The following ACOXL variants were observed in gnomAD, a reference collection of about 807,000 sequenced individuals.
ACOXL encodes acyl-CoA oxidase like.
ACOXL carries 70 observed loss-of-function variants against 71.9 expected under a neutral mutation model. That is an observed-to-expected ratio of 0.97 (90% CI 0.80 to 1.19). The LOEUF (loss-of-function observed/expected upper bound fraction) is 1.19. Ranked by LOEUF, ACOXL falls within the 50% of genes most tolerant of loss-of-function variation. The pLI, the probability that ACOXL is intolerant of heterozygous loss-of-function variation, is 0.00. For synonymous variants in ACOXL, 253 were observed against 281.6 expected (o/e 0.90, Z 1.02); for missense variants, 703 against 736.3 (o/e 0.95, Z 0.52).
intron 17 of ACOXL, among the ~76,000 whole-genome samples, chr2:111,104,584 G>T (rs1363346748): frequency 6.6e-6 from 1 of 152,104 alleles, no homozygotes; most frequent in African/African-American, 2.4e-5. Context: ...TTACTTAATG[G>T]CTAATGATGT....
chr2:110,839,318 T>C (rs1004824210), intron 9 of ACOXL, among the ~76,000 whole-genome samples: 6 of 152,244 alleles, frequency 3.9e-5, no homozygotes, highest in African/African-American at 1.4e-4. Context: ...CCAGGAAATG[T>C]AAAGTTATCC....
At chr2:110,788,261 G>C (rs116659381) in intron 3 of ACOXL, among the ~76,000 whole-genome samples, 99 of 152,294 alleles carry the variant, frequency 6.5e-4, no homozygotes, top group African/African-American at 2.2e-3. Context: ...AGAGGAGTGG[G>C]TAAACAAAAT....
At chr2:110,915,350 A>ATATATATGTG in intron 11 of ACOXL, among the ~76,000 whole-genome samples, 1 of 113,634 alleles carries the variant, frequency 8.8e-6, no homozygotes, top group South Asian at 2.8e-4. Flanking sequence ...ATATATATAT[A>ATATATATGTG]TGTGTGTGTG....
Position 110,847,755 on chromosome 2 carries a change from C to T in ACOXL, c.788+6350C>T, listed in dbSNP as rs560464092. 7.2e-5 allele frequency among the ~76,000 whole-genome samples: 11 copies of T among 152,272 alleles called. No individual in the cohort carries two copies. The South Asian group carries it at 1.0e-3, about 14-fold the overall frequency. On this transcript the variant is annotated intron_variant, in intron 10 of 17. Transcript: ENST00000439055. ...GCCCTGGCACCCCTCGAGGGCTGGACGGGGAAAGAGAGAGTTGGGGAACCT... is the reference window on the plus strand; with the variant it reads ...GCCCTGGCACCCCTCGAGGGCTGGATGGGGAAAGAGAGAGTTGGGGAACCT...
At chr2:111,045,553 C>G (rs2065974203) in intron 15 of ACOXL, among the ~76,000 whole-genome samples, 2 of 152,206 alleles carry the variant, frequency 1.3e-5, no homozygotes, top group African/African-American at 4.8e-5. Flanking sequence ...TGAGGCCTCC[C>G]CAACCCTGCA....
rs548001377 is a variant in ACOXL, at chr2:111,003,550, C to CAAAAAAAAAAA, written c.1281+7565_1281+7575dup. Among the ~76,000 whole-genome samples, 159 of 35,328 alleles carry CAAAAAAAAAAA rather than the reference C, an allele frequency of 4.5e-3. 18 individuals carry two copies. Among genetic ancestry groups the CAAAAAAAAAAA allele is most frequent in the African/African-American group, 0.012 (120 of 10,268 alleles). The allele number at this position is 35,328 out of a possible 152,430, so 23.2% of individuals were successfully genotyped here. A position where few individuals can be genotyped will look rare whatever the true frequency, so the allele number is the denominator to read the frequency against. On this transcript the variant is annotated intron_variant, in intron 14 of 17. Transcript: ENST00000439055. ...TGGGCGACAGGGCGAGACTCTGTCT[C>CAAAAAAAAAAA]AAAAAAAAAAAAAAAAAAAAAAAAA...
chr2:110,871,171 T>G (rs1265268265), intron 10 of ACOXL, among the ~76,000 whole-genome samples: 1 of 152,152 alleles, frequency 6.6e-6, no homozygotes, highest in Non-Finnish European at 1.5e-5. Flanking sequence ...ATTCCTGGAA[T>G]GCAAAACATG....
intron 17 of ACOXL, among the ~76,000 whole-genome samples, chr2:111,105,449 C>G (rs10048841): frequency 0.011 from 1,650 of 151,792 alleles, 36 homozygotes; most frequent in African/African-American, 0.037. Context: ...GCTGAATCTT[C>G]CAGTCTCTGA....
At chr2:110,852,699 C>A (rs749963132) in intron 10 of ACOXL, among the ~76,000 whole-genome samples, 1 of 152,156 alleles carries the variant, frequency 6.6e-6, no homozygotes, top group Non-Finnish European at 1.5e-5. Context: ...AAACCCTGTT[C>A]GCTGTGGCCA....
intron 12 of ACOXL, among the ~76,000 whole-genome samples, chr2:110,944,608 G>C: frequency 6.6e-6 from 1 of 152,062 alleles, no homozygotes; most frequent in East Asian, 1.9e-4. Context: ...TTGGTTTTCT[G>C]TTTCTGTGTT....
At chr2:111,099,815 T>C (rs1421365519) in intron 17 of ACOXL, 1 of 152,218 alleles carries the variant, frequency 6.6e-6, no homozygotes, top group Admixed American at 6.5e-5. Flanking sequence ...TGAGACTCAT[T>C]TTAAGGAAGA....
chr2:111,057,264 G>A (rs2149863817), intron 16 of ACOXL, among the ~76,000 whole-genome samples: 1 of 152,298 alleles, frequency 6.6e-6, no homozygotes, highest in South Asian at 2.1e-4. Flanking sequence ...AGTGTTTCAG[G>A]TGCACTGATG....
chr2:110,919,461 A>G lies in ACOXL; in HGVS notation c.905+10556A>G, dbSNP rs540082067. On this transcript the variant is annotated intron_variant, in intron 11 of 17. Coordinates refer to ENST00000439055, the MANE Select transcript of ACOXL (RefSeq NM_001142807.4). ...TTAGGAGAAATACCTAATGTAGATG[A>G]TGGGTTGATGGGTGCAGCAAAACAC... Among the ~76,000 whole-genome samples the G allele has an allele frequency of 4.6e-3, 693 of 152,202 alleles. 8 individuals are homozygous for G. Among genetic ancestry groups the G allele is most frequent in the Non-Finnish European group, 4.9e-3 (334 of 68,014 alleles).
At chr2:110,969,430 T>C (rs1052943725) in intron 12 of ACOXL, among the ~76,000 whole-genome samples, 3 of 152,074 alleles carry the variant, frequency 2.0e-5, no homozygotes, top group Admixed American at 6.6e-5. Flanking sequence ...TCAAGCAAGA[T>C]TGACAAAGTT....
At chr2:110,778,526 G>A (rs1682935556) in intron 2 of ACOXL, among the ~76,000 whole-genome samples, 1 of 152,226 alleles carries the variant, frequency 6.6e-6, no homozygotes, top group African/African-American at 2.4e-5. Flanking sequence ...TTCTGATTTT[G>A]GAGTCAGATA....
At chr2:110,963,565 ATGTGTGTGTGTGTGTGTGTGTGTG>A (rs57092184) in intron 12 of ACOXL, 4 of 1,453,382 alleles carry the variant, frequency 2.8e-6, no homozygotes, top group South Asian at 1.4e-5. Flanking sequence ...CAAATTTGAA[ATGTGTGTGTGTGTGTGTGTGTGTG>A]TGTGTGTGTG....
chr2:110,982,122 GT>G (rs1489030424), intron 12 of ACOXL, among the ~76,000 whole-genome samples: 11 of 152,200 alleles, frequency 7.2e-5, no homozygotes, highest in African/African-American at 2.6e-4. Flanking sequence ...GTTCAAATCC[GT>G]GGTTTTTTGT....
At chr2:111,105,152 A>G (rs1391718039) in intron 17 of ACOXL, among the ~76,000 whole-genome samples, 3 of 152,038 alleles carry the variant, frequency 2.0e-5, no homozygotes, top group Non-Finnish European at 4.4e-5. Context: ...TCGTATTTGT[A>G]TGGTTCTATT....
chr2:110,910,472 A>G (rs976510408), intron 11 of ACOXL, among the ~76,000 whole-genome samples: 1 of 152,244 alleles, frequency 6.6e-6, no homozygotes, highest in Non-Finnish European at 1.5e-5. Context: ...ATAAATACCT[A>G]GAGAGGACTT....
Sources: allele counts gnomAD v4.1 joint callset (sites outside exome capture counted in the v4.1 genomes callset), GRCh38; gene constraint gnomAD v4.1.1; transcripts MANE v1.5; gene names NCBI Gene and HGNC (gene_info 2026-07-23, HGNC 2026-07-21).